PMF1: variants seen among roughly 807,000 people sequenced by gnomAD.
PMF1 encodes the protein polyamine modulated factor 1.
PMF1 carries 21 observed loss-of-function variants against 26.7 expected under a neutral mutation model. That is an observed-to-expected ratio of 0.79 (90% confidence interval 0.56 to 1.13). PMF1 has a LOEUF of 1.13. PMF1 is among the 50% of genes most tolerant of loss of function. The pLI, the probability that PMF1 is intolerant of heterozygous loss-of-function variation, is 0.00. For synonymous variants in PMF1, 105 were observed against 101.0 expected (o/e 1.04, Z -0.24); for missense variants, 266 against 254.9 (o/e 1.04, Z -0.30).
intron 4 of PMF1, among the ~76,000 whole-genome samples, chr1:156,238,243 T>C (rs982120382): frequency 9.9e-5 from 15 of 152,254 alleles, no homozygotes; most frequent in African/African-American, 3.6e-4. Context: ...TGCTCAGGAT[T>C]ATTTTGACTA....
intron 1 of PMF1, among the ~76,000 whole-genome samples, chr1:156,217,406 T>C (rs1401898630): frequency 6.6e-6 from 1 of 152,126 alleles, no homozygotes; most frequent in Non-Finnish European, 1.5e-5. Context: ...ATGCCATTTT[T>C]TACTCAACAA....
intron 1 of PMF1, among the ~76,000 whole-genome samples, chr1:156,228,318 TATATTTTTCAGAA>T (rs1658505293): frequency 7.0e-6 from 1 of 142,802 alleles, no homozygotes; most frequent in South Asian, 2.3e-4. Flanking sequence ...TCTCCCTGAG[TATATTTTTCAGAA>T]AATCCACAAG....
At chr1:156,217,233 TAAAA>T (rs558492040) in intron 1 of PMF1, among the ~76,000 whole-genome samples, 1 of 97,982 alleles carries the variant, frequency 1.0e-5, no homozygotes, top group Non-Finnish European at 2.0e-5. Flanking sequence ...TAAAGTATAA[TAAAA>T]AAAAAAAAGA....
chr1:156,228,270 T>TA, intron 1 of PMF1, among the ~76,000 whole-genome samples: 1 of 142,524 alleles, frequency 7.0e-6, no homozygotes, highest in African/African-American at 2.6e-5. Flanking sequence ...TTTTTTTTTT[T>TA]TTTTTTTTTT....
At chr1:156,225,358 G>C (rs1000233679) in intron 1 of PMF1, among the ~76,000 whole-genome samples, 7 of 131,534 alleles carry the variant, frequency 5.3e-5, no homozygotes, top group African/African-American at 2.0e-4. Context: ...ACATGGATAA[G>C]TTCTTTAGCG....
intron 1 of PMF1, among the ~76,000 whole-genome samples, chr1:156,218,975 C>A (rs1166416754): frequency 1.3e-5 from 2 of 151,140 alleles, no homozygotes; most frequent in African/African-American, 2.4e-5. Flanking sequence ...GGCTGGAGTG[C>A]AGTGGCGTGA....
At chr1:156,229,800 C>T (rs1658592910) in intron 1 of PMF1, among the ~76,000 whole-genome samples, 1 of 152,056 alleles carries the variant, frequency 6.6e-6, no homozygotes, top group African/African-American at 2.4e-5. Context: ...CCCGAACTCC[C>T]AACGTCAGGT....
At chr1:156,217,686 C>T (rs1166192466) in intron 1 of PMF1, among the ~76,000 whole-genome samples, 1 of 151,620 alleles carries the variant, frequency 6.6e-6, no homozygotes, top group Non-Finnish European at 1.5e-5. Context: ...TGAGATTGCG[C>T]CACTGCACTC....
intron 1 of PMF1, among the ~76,000 whole-genome samples, chr1:156,214,581 A>G (rs948832239): frequency 3.3e-5 from 5 of 152,246 alleles, no homozygotes; most frequent in African/African-American, 1.2e-4. Context: ...CTGGTAAGAT[A>G]GTAAGGCCAT....
intron 1 of PMF1, 139 bp downstream of exon 1, chr1:156,213,315 A>C: frequency 7.6e-7 from 1 of 1,307,746 alleles, no homozygotes; most frequent in Non-Finnish European, 1.0e-6. Context: ...CGACCCAGTC[A>C]AATCCTGAGC....
chr1:156,235,502 C>G lies in PMF1; in HGVS notation c.369-786C>G, dbSNP rs536889153. 2.4e-5 allele frequency among the ~76,000 whole-genome samples: 3 copies of G among 124,312 alleles called. No homozygotes were observed. In the South Asian group the frequency reaches 7.7e-4, roughly 32 times the overall value. 81.6% of individuals were successfully genotyped at this position (124,312 alleles called of 152,430 possible). ...TGTCTCTCAGGCTGGAGTGCAGTGG[C>G]GCGATCTTGGCTCACTGCAAGCTCC... On this transcript the variant is annotated intron_variant, in intron 3 of 4. Transcript: ENST00000368277.
chr1:156,224,083 T>G (rs542309567), intron 1 of PMF1: 2 of 152,210 alleles, frequency 1.3e-5, no homozygotes, highest in South Asian at 4.1e-4. Flanking sequence ...CCCAGCAGTT[T>G]TCAAAGGAAG....
Position 156,214,884 on chromosome 1 carries a change from AT to A in PMF1, c.161+1720del, listed in dbSNP as rs1307641968. ...GATTATTATTATTATTATTATTATT[AT>A]TTTTTTTTTTTAGGCAGTGTCTAGC... On this transcript the variant is annotated intron_variant, in intron 1 of 4. Coordinates refer to ENST00000368277, the MANE Select transcript of PMF1 (RefSeq NM_007221.4). Among the ~76,000 whole-genome samples the A allele has an allele frequency of 8.9e-4, 123 of 138,124 alleles. 2 individuals carry two copies. Among genetic ancestry groups the A allele is most frequent in the South Asian group, 3.9e-3 (17 of 4,412 alleles). 90.6% of individuals were successfully genotyped at this position (138,124 alleles called of 152,430 possible).
At chr1:156,230,007 A>G (rs1658606145) in intron 1 of PMF1, among the ~76,000 whole-genome samples, 1 of 152,250 alleles carries the variant, frequency 6.6e-6, no homozygotes, top group Non-Finnish European at 1.5e-5. Flanking sequence ...TGGCTCCAGT[A>G]TACCACTGCT....
At position 156,232,272 on chromosome 1, in the gene PMF1, G is replaced by A. The variant is rs773308809; in HGVS notation, c.162-48G>A. On this transcript the variant is annotated intron_variant, in intron 1 of 4. Coordinates refer to ENST00000368277, the MANE Select transcript of PMF1 (RefSeq NM_007221.4). Reference sequence around the variant, plus strand: ...GAGGTACCCAGGCAGGCTGATGGCCGGCCTCATGCTTGGCCCTCCCCACCT... The same window carrying A: ...GAGGTACCCAGGCAGGCTGATGGCCAGCCTCATGCTTGGCCCTCCCCACCT... The A allele has an allele frequency of 1.1e-5, 17 of 1,560,492 alleles. No individual in the cohort carries two copies. The East Asian group carries it at 1.3e-4, about 12-fold the overall frequency.
intron 1 of PMF1, chr1:156,225,465 C>T: frequency 2.7e-6 from 2 of 731,586 alleles, no homozygotes; most frequent in South Asian, 1.6e-5. Context: ...ACCCTTTCCC[C>T]ACAGTTGGCA....
chr1:156,217,743 A>G (rs532857855), intron 1 of PMF1, among the ~76,000 whole-genome samples: 2 of 151,310 alleles, frequency 1.3e-5, no homozygotes, highest in East Asian at 1.9e-4. Flanking sequence ...AAAAAAAAAA[A>G]CAAAACTAAC....
intron 3 of PMF1, among the ~76,000 whole-genome samples, chr1:156,235,713 T>C (rs1658973983): frequency 1.3e-5 from 2 of 152,072 alleles, no homozygotes; most frequent in African/African-American, 4.8e-5. Flanking sequence ...AGTGCTGGGA[T>C]TACAGGCGTG....
At chr1:156,224,240 A>G (rs987184236) in intron 1 of PMF1, among the ~76,000 whole-genome samples, 18 of 152,296 alleles carry the variant, frequency 1.2e-4, no homozygotes, top group East Asian at 3.9e-4. Context: ...TAATGATCCA[A>G]TCAGGGTAAT....
Sources: allele counts gnomAD v4.1 joint callset (sites outside exome capture counted in the v4.1 genomes callset), GRCh38; gene constraint gnomAD v4.1.1; transcripts MANE v1.5; gene names NCBI Gene and HGNC (gene_info 2026-07-23, HGNC 2026-07-21).